AKAP13: variants seen among roughly 807,000 people sequenced by gnomAD.
AKAP13 encodes the protein A-kinase anchor protein 13.
In AKAP13, 80 loss-of-function variants were observed where a neutral mutation model predicts 264.5. The observed-to-expected ratio is 0.30, with a 90% CI of 0.25 to 0.36. The LOEUF (loss-of-function observed/expected upper bound fraction) is 0.36, where lower values mean the gene tolerates loss of function less well. AKAP13 is among the 10% of genes least tolerant of loss of function. AKAP13 has a pLI of 1.00. For missense variants in AKAP13, 3,712 were observed against 3,435.2 expected (o/e 1.08, Z -2.01); for synonymous variants, 1,380 against 1,250.2 (o/e 1.10, Z -2.19).
At chr15:85,570,417 T>C (rs958455443) in intron 5 of AKAP13, among the ~76,000 whole-genome samples, 1 of 152,044 alleles carries the variant, frequency 6.6e-6, no homozygotes, top group Admixed American at 6.5e-5. Context: ...GCGCCACTGC[T>C]CTCCAGCCTG....
At chr15:85,449,222 C>T (rs541177056) in intron 1 of AKAP13, among the ~76,000 whole-genome samples, 122 of 152,052 alleles carry the variant, frequency 8.0e-4, no homozygotes, top group African/African-American at 2.6e-3. Flanking sequence ...ATTTGGCTCT[C>T]GATTTGGTTG....
chr15:85,723,182 G>A lies in AKAP13; in HGVS notation c.6607G>A (p.Glu2203Lys). ...TTATGAAAAGAAAGTGCGTCTCAAT[G>A]AGATTTATACAAAGACAGATAGCAA... is the stretch of plus-strand genomic sequence containing the variant. ...ASYEKKVRLNEIYTKTDSKSI... is the reference protein window; with the variant it reads ...ASYEKKVRLNKIYTKTDSKSI... Residue 2203 changes from glutamate to lysine, a missense_variant, in exon 26 of 37, where the codon GAG becomes AAG. Transcript: ENST00000394518. The A allele has an allele frequency of 6.2e-7, 1 of 1,614,128 alleles. No homozygotes were observed. The highest frequency in any genetic ancestry group is 8.5e-7 in the Non-Finnish European group (1 of 1,179,976).
chr15:85,743,942 C>G, intron 36 of AKAP13, 117 bp downstream of exon 36: 3 of 1,201,294 alleles, frequency 2.5e-6, no homozygotes, highest in Non-Finnish European at 3.4e-6. Flanking sequence ...GCTCAAAAGC[C>G]AAACTGCCAT....
At chr15:85,607,676 A>T (rs1441846727) in intron 8 of AKAP13, among the ~76,000 whole-genome samples, 1 of 145,564 alleles carries the variant, frequency 6.9e-6, no homozygotes, top group Admixed American at 7.0e-5. Context: ...TATGTATTTA[A>T]GTAAAGGAGC....
intron 8 of AKAP13, chr15:85,619,771 CT>C: frequency 5.6e-6 from 6 of 1,063,428 alleles, no homozygotes; most frequent in Non-Finnish European, 6.8e-6. Context: ...ACGGTGTTTG[CT>C]TCTCTTTCAG....
rs139877903 is a variant in AKAP13 at position 85,634,866 on chromosome 15, A to G, written c.4162-4508A>G. ...TTTTTTTTTTTTTTAACTTACCGTAATACTCTTGAGATTCATCCATGTTGT... is the reference window on the plus strand; with the variant it reads ...TTTTTTTTTTTTTTAACTTACCGTAGTACTCTTGAGATTCATCCATGTTGT... On this transcript the variant is annotated intron_variant, in intron 8 of 36. Coordinates refer to ENST00000394518, the MANE Select transcript of AKAP13 (RefSeq NM_007200.5). Among the ~76,000 whole-genome samples the G allele has an allele frequency of 6.6e-5, 10 of 151,100 alleles. No individual in the cohort carries two copies. In the East Asian group the frequency reaches 1.4e-3, roughly 20 times the overall value.
At chr15:85,525,444 T>C (rs1227593189) in intron 3 of AKAP13, among the ~76,000 whole-genome samples, 1 of 152,218 alleles carries the variant, frequency 6.6e-6, no homozygotes, top group African/African-American at 2.4e-5. Context: ...CTGAAAAGAA[T>C]GTCCTGTCTT....
chr15:85,613,685 A>ATATAT (rs2080785910), intron 8 of AKAP13, among the ~76,000 whole-genome samples: 4 of 67,186 alleles, frequency 6.0e-5, no homozygotes, highest in African/African-American at 2.8e-4. Flanking sequence ...CGTCTAAAAA[A>ATATAT]AAAAAAATAT....
chr15:85,741,773 A>G, intron 35 of AKAP13, among the ~76,000 whole-genome samples: 1 of 151,816 alleles, frequency 6.6e-6, no homozygotes. Context: ...GCTGGACACA[A>G]TGGCTCACAC....
intron 23 of AKAP13, among the ~76,000 whole-genome samples, chr15:85,720,260 CTGTG>C (rs71141479): frequency 0.023 from 3,439 of 150,676 alleles, 80 homozygotes; most frequent in African/African-American, 0.058. Flanking sequence ...AAAACAAACT[CTGTG>C]TGTGTGTGTG....
intron 8 of AKAP13, among the ~76,000 whole-genome samples, chr15:85,623,206 A>G (rs746947950): frequency 1.3e-5 from 2 of 152,188 alleles, no homozygotes; most frequent in African/African-American, 4.8e-5. Context: ...TTTTGTACTA[A>G]GGAGTTTGTC....
intron 1 of AKAP13, among the ~76,000 whole-genome samples, chr15:85,437,500 G>T (rs144456395): frequency 0.28 from 41,902 of 150,196 alleles, 8,107 homozygotes; most frequent in African/African-American, 0.54. Context: ...TACCAAAGCC[G>T]GGCAGAGACA....
chr15:85,391,169 A>G (rs2070836292), intron 1 of AKAP13, among the ~76,000 whole-genome samples: 2 of 152,254 alleles, frequency 1.3e-5, no homozygotes, highest in South Asian at 4.1e-4. Context: ...GAATGAAGGA[A>G]GATGGTAGTG....
intron 11 of AKAP13, 96 bp from the exon 12 acceptor site, chr15:85,658,441 G>A: frequency 9.9e-7 from 1 of 1,013,296 alleles, no homozygotes; most frequent in Non-Finnish European, 1.5e-6. Context: ...TCTTTGAGCA[G>A]TGTCTCTCTC....
chr15:85,736,577 T>C (rs1461125829), intron 33 of AKAP13, among the ~76,000 whole-genome samples: 1 of 152,194 alleles, frequency 6.6e-6, no homozygotes, highest in Non-Finnish European at 1.5e-5. Context: ...TTTGTATTTT[T>C]TGTAGAGACA....
chr15:85,397,647 A>G (rs1165115113), intron 1 of AKAP13, among the ~76,000 whole-genome samples: 1 of 152,204 alleles, frequency 6.6e-6, no homozygotes, highest in African/African-American at 2.4e-5. Context: ...TATCTCTGCA[A>G]GGAAGGTATT....
intron 15 of AKAP13, chr15:85,683,760 A>G (rs1321742787): frequency 2.0e-5 from 3 of 152,220 alleles, no homozygotes; most frequent in Non-Finnish European, 4.4e-5. Context: ...TGAGCACCGC[A>G]CCTGCCCCAA....
chr15:85,507,964 C>T (rs181560221), intron 2 of AKAP13, among the ~76,000 whole-genome samples: 1 of 152,170 alleles, frequency 6.6e-6, no homozygotes, highest in African/African-American at 2.4e-5. Context: ...GGATATATTC[C>T]TAAACTGTCC....
chr15:85,601,648 G>GTGTGTGTT (rs1228684653), intron 8 of AKAP13, among the ~76,000 whole-genome samples: 9 of 147,668 alleles, frequency 6.1e-5, no homozygotes, highest in East Asian at 4.1e-4. Context: ...GTGTGTGTGT[G>GTGTGTGTT]TTTTTCTTCC....
Sources: gnomAD v4.1 joint callset for allele counts (sites outside exome capture counted in the v4.1 genomes callset) on GRCh38, gnomAD v4.1.1 for gene constraint, MANE v1.5 for transcripts, NCBI Gene and HGNC (gene_info 2026-07-23, HGNC 2026-07-21) for gene names.